The following THSD4 variants were observed in gnomAD, a reference collection of about 807,000 sequenced individuals.
THSD4 encodes the protein thrombospondin type 1 domain containing 4, also known as thrombospondin type-1 domain-containing protein 4.
THSD4 carries 69 observed loss-of-function variants against 119.0 expected under a neutral mutation model. That is an observed-to-expected ratio of 0.58 (90% CI 0.48 to 0.71). THSD4 has a LOEUF of 0.71. Ranked by LOEUF, THSD4 falls within the 30% of genes least tolerant of loss-of-function variation. The pLI, the probability that THSD4 is intolerant of heterozygous loss-of-function variation, is 0.00. For missense variants in THSD4, 1,393 were observed against 1,391.1 expected, an observed-to-expected ratio of 1.00 and a Z score of -0.02; for synonymous variants, 524 against 540.4, an observed-to-expected ratio of 0.97 and a Z score of 0.42.
intron 1 of THSD4, among the ~76,000 whole-genome samples, chr15:71,135,895 G>A (rs139538635): frequency 9.7e-4 from 147 of 151,828 alleles, no homozygotes; most frequent in African/African-American, 3.5e-3. Flanking sequence ...TTGGATCCCC[G>A]GTCCTGTCCT....
At chr15:71,460,305 GTTTTT>G (rs563476190) in intron 7 of THSD4, among the ~76,000 whole-genome samples, 1 of 122,578 alleles carries the variant, frequency 8.2e-6, no homozygotes, top group Non-Finnish European at 1.7e-5. Context: ...AAGTTGCCTG[GTTTTT>G]TTTTTTTTTT....
chr15:71,620,636 T>C (rs1225155014), intron 7 of THSD4, among the ~76,000 whole-genome samples: 1 of 152,158 alleles, frequency 6.6e-6, no homozygotes, highest in African/African-American at 2.4e-5. Context: ...TTATTAATGA[T>C]AGTGGTGACA....
intron 6 of THSD4, among the ~76,000 whole-genome samples, chr15:71,285,547 C>A (rs1473690834): frequency 6.6e-6 from 1 of 152,090 alleles, no homozygotes; most frequent in Non-Finnish European, 1.5e-5. Context: ...TGTTCCAAAC[C>A]CCAACTTTTC....
chr15:71,638,424 C>A (rs1344605321), intron 7 of THSD4, among the ~76,000 whole-genome samples: 2 of 152,148 alleles, frequency 1.3e-5, no homozygotes, highest in African/African-American at 4.8e-5. Context: ...ATGAAACAGC[C>A]CAGCAGCACT....
intron 3 of THSD4, among the ~76,000 whole-genome samples, chr15:71,177,971 G>A (rs2043464498): frequency 1.0e-5 from 1 of 95,952 alleles, no homozygotes; most frequent in Non-Finnish European, 2.2e-5. Flanking sequence ...AATAAATTAG[G>A]TATTGATGGG....
chr15:71,305,537 A>G (rs1490439971), intron 6 of THSD4, among the ~76,000 whole-genome samples: 3 of 152,262 alleles, frequency 2.0e-5, no homozygotes, highest in Admixed American at 2.0e-4. Context: ...CTGCCACTTA[A>G]TAGTTATGAC....
intron 8 of THSD4, among the ~76,000 whole-genome samples, chr15:71,683,094 G>A (rs1379102367): frequency 6.6e-6 from 1 of 151,276 alleles, no homozygotes; most frequent in Non-Finnish European, 1.5e-5. Context: ...GCCGATTTTT[G>A]TATTTTTTGT....
intron 3 of THSD4, among the ~76,000 whole-genome samples, chr15:71,213,616 A>G (rs1457263252): frequency 6.6e-6 from 1 of 152,164 alleles, no homozygotes; most frequent in Non-Finnish European, 1.5e-5. Flanking sequence ...TGGTGCTCAG[A>G]GCATGTCTTC....
At chr15:71,701,769 T>C (rs1300752437) in intron 8 of THSD4, among the ~76,000 whole-genome samples, 28 of 152,200 alleles carry the variant, frequency 1.8e-4, no homozygotes, top group Non-Finnish European at 2.9e-5. Context: ...CAGAAAGATC[T>C]GGAAGGATTC....
At chr15:71,296,571 G>A (rs907366720) in intron 6 of THSD4, among the ~76,000 whole-genome samples, 2 of 152,198 alleles carry the variant, frequency 1.3e-5, no homozygotes, top group Non-Finnish European at 2.9e-5. Context: ...GCAGGGCTGA[G>A]GGAGTTGGCC....
intron 16 of THSD4, among the ~76,000 whole-genome samples, chr15:71,768,596 TCA>T (rs1240195101): frequency 7.4e-6 from 1 of 135,882 alleles, no homozygotes; most frequent in Non-Finnish European, 1.5e-5. Context: ...AGACAAAGTC[TCA>T]CTCTTGCCCA....
chr15:71,674,387 G>A (rs1393356745), intron 8 of THSD4, among the ~76,000 whole-genome samples: 2 of 152,186 alleles, frequency 1.3e-5, no homozygotes, highest in African/African-American at 4.8e-5. Context: ...CAATTACAAT[G>A]TCATAGAACT....
At position 71,629,651 on chromosome 15, in the gene THSD4, G is replaced by A. The variant is rs573201342; in HGVS notation, c.1153-30879G>A. Among the ~76,000 whole-genome samples, 3 of 152,166 alleles carry A rather than the reference G, an allele frequency of 2.0e-5. No individual in the cohort carries two copies. In the East Asian group the frequency reaches 5.8e-4, roughly 29 times the overall value. ...CCCTGGTTGTTCTTTTGTGATGTTG[G>A]GTAGACTTGCGTCTTCTACCTCCCC... On this transcript the variant is annotated intron_variant, in intron 7 of 17. Coordinates refer to ENST00000261862, the MANE Select transcript of THSD4 (RefSeq NM_024817.3).
chr15:71,609,365 C>T (rs2050175764), intron 7 of THSD4, among the ~76,000 whole-genome samples: 1 of 152,202 alleles, frequency 6.6e-6, no homozygotes, highest in South Asian at 2.1e-4. Flanking sequence ...TAGCTCAGCC[C>T]TGTCCCTGAT....
chr15:71,660,912 C>T (rs1224386331), intron 8 of THSD4, among the ~76,000 whole-genome samples, 178 bp downstream of exon 8: 1 of 151,770 alleles, frequency 6.6e-6, no homozygotes, highest in Non-Finnish European at 1.5e-5. Flanking sequence ...GAGTGGAGAA[C>T]GTTAAAAAAA....
At chr15:71,416,119 G>C (rs2046756841) in intron 7 of THSD4, among the ~76,000 whole-genome samples, 1 of 152,082 alleles carries the variant, frequency 6.6e-6, no homozygotes, top group Non-Finnish European at 1.5e-5. Flanking sequence ...TTTTGTGCCT[G>C]GTTTATTTCA....
chr15:71,635,892 A>G (rs2050729943), intron 7 of THSD4, among the ~76,000 whole-genome samples: 1 of 152,214 alleles, frequency 6.6e-6, no homozygotes, highest in Non-Finnish European at 1.5e-5. Flanking sequence ...TTTATAGATG[A>G]GGAAACTGAG....
At chr15:71,416,735 T>C (rs1333341690) in intron 7 of THSD4, among the ~76,000 whole-genome samples, 1 of 52,630 alleles carries the variant, frequency 1.9e-5, no homozygotes, top group Non-Finnish European at 4.5e-5. Flanking sequence ...TGTTTTGTTT[T>C]GTTTTGTTTT....
chr15:71,124,431 C>T (rs2040435594), intron 1 of THSD4, among the ~76,000 whole-genome samples: 1 of 152,140 alleles, frequency 6.6e-6, no homozygotes, highest in South Asian at 2.1e-4. Context: ...TTGTGGACCC[C>T]TGGTCTAGAC....
Sources: gnomAD v4.1 joint callset for allele counts (sites outside exome capture counted in the v4.1 genomes callset) on GRCh38, gnomAD v4.1.1 for gene constraint, MANE v1.5 for transcripts, NCBI Gene and HGNC (gene_info 2026-07-23, HGNC 2026-07-21) for gene names.